The following MAGI1 variants were observed in gnomAD, a reference collection of about 807,000 sequenced individuals.
The protein encoded by MAGI1 is membrane associated guanylate kinase, WW and PDZ domain containing 1, also known as membrane-associated guanylate kinase, WW and PDZ domain-containing protein 1.
A neutral mutation model predicts 139.9 loss-of-function variants in MAGI1; 58 were observed. The ratio of observed to expected loss-of-function variants is 0.41; its 90% CI spans 0.34 to 0.52. MAGI1 has a LOEUF of 0.52. Ranked by LOEUF, MAGI1 falls within the 20% of genes least tolerant of loss-of-function variation. The pLI is 0.12. For missense variants in MAGI1, 1,874 were observed against 1,901.6 expected (o/e 0.99, Z 0.27); for synonymous variants, 812 against 737.9 (o/e 1.10, Z -1.63).
chr3:65,379,030 C>T (rs969228751), intron 17 of MAGI1, among the ~76,000 whole-genome samples: 1 of 152,136 alleles, frequency 6.6e-6, no homozygotes, highest in African/African-American at 2.4e-5. Context: ...GTTGTGTATG[C>T]GTGATCACAT....
chr3:65,708,253 T>C (rs192466517), intron 1 of MAGI1, among the ~76,000 whole-genome samples: 6 of 152,300 alleles, frequency 3.9e-5, no homozygotes, highest in African/African-American at 1.2e-4. Context: ...TGGAAATGAA[T>C]TGTTAAAAGA....
At chr3:65,389,060 G>T (rs1016592376) in intron 14 of MAGI1, among the ~76,000 whole-genome samples, 2 of 151,614 alleles carry the variant, frequency 1.3e-5, no homozygotes, top group African/African-American at 2.4e-5. Context: ...GGCCAGGCTG[G>T]TCTCCAACTC....
At chr3:65,552,703 G>C (rs1031001064) in intron 2 of MAGI1, among the ~76,000 whole-genome samples, 8 of 152,176 alleles carry the variant, frequency 5.3e-5, no homozygotes, top group African/African-American at 1.9e-4. Context: ...CTGATCCTAT[G>C]AATTACTTAC....
At chr3:65,930,932 C>G (rs375639364) in intron 1 of MAGI1, among the ~76,000 whole-genome samples, 3 of 152,278 alleles carry the variant, frequency 2.0e-5, no homozygotes, top group African/African-American at 7.2e-5. Flanking sequence ...AATAATCCAC[C>G]CCTTGTTTAG....
intron 14 of MAGI1, among the ~76,000 whole-genome samples, chr3:65,387,989 G>T (rs535544331): frequency 1.3e-5 from 2 of 152,198 alleles, no homozygotes; most frequent in East Asian, 1.9e-4. Context: ...AATGCTACTG[G>T]ATAGGATCTG....
In MAGI1 at chr3:65,356,554, G is replaced by A. The variant is rs1435154802; in HGVS notation, c.4213C>T (p.Arg1405Cys). Residue 1405 changes from arginine to cysteine, a missense_variant, in exon 23 of 23, where the codon CGC becomes TGC. Physicochemically the swap from Arg to Cys is radical, Grantham distance 180 (BLOSUM62 -3). Around this residue, in one of 5 missense-constraint regions of MAGI1, gnomAD observed 653 missense variants for 644.5 expected, o/e 1.01. Coordinates refer to ENST00000402939, the MANE Select transcript of MAGI1 (RefSeq NM_001033057.2). Reference sequence around the variant, plus strand: ...CGCTCTCTCCTGCGCTCGGGGGAGCGTGCGCGCCTCCGGTCGGTGGACTTG... The same window carrying A: ...CGCTCTCTCCTGCGCTCGGGGGAGCATGCGCGCCTCCGGTCGGTGGACTTG... ...RAKSTDRRRA[R>C]SPERRRERSL... 2.5e-6 allele frequency: 4 copies of A among 1,606,842 alleles called. No homozygotes were observed. Among genetic ancestry groups the A allele is most frequent in the African/African-American group, 1.3e-5 (1 of 74,512 alleles).
chr3:65,401,656 AG>A (rs1944907619), intron 12 of MAGI1, 186 bp from the exon 13 acceptor site: 2 of 1,546,370 alleles, frequency 1.3e-6, no homozygotes, highest in African/African-American at 1.4e-5. Context: ...AGGGAGGAGG[AG>A]AGCGAGAGGC....
At chr3:65,607,203 C>A (rs2082787402) in intron 2 of MAGI1, among the ~76,000 whole-genome samples, 1 of 151,184 alleles carries the variant, frequency 6.6e-6, no homozygotes, top group African/African-American at 2.4e-5. Flanking sequence ...AGATGGACAT[C>A]CAAGAATAGT....
At chr3:65,482,983 TGACA>T (rs2107630289) in intron 3 of MAGI1, among the ~76,000 whole-genome samples, 1 of 152,346 alleles carries the variant, frequency 6.6e-6, no homozygotes, top group Non-Finnish European at 1.5e-5. Flanking sequence ...GCCTGACCCT[TGACA>T]GACAAAGATC....
intron 1 of MAGI1, among the ~76,000 whole-genome samples, chr3:65,625,147 A>G (rs891680305): frequency 6.6e-6 from 1 of 152,216 alleles, no homozygotes. Flanking sequence ...TGCTGGGATT[A>G]CAGGTGTGAG....
chr3:65,962,424 G>C (rs927458947), intron 1 of MAGI1, among the ~76,000 whole-genome samples: 23 of 151,898 alleles, frequency 1.5e-4, no homozygotes, highest in Non-Finnish European at 3.2e-4. Context: ...CCCGGCCTCT[G>C]AATTGTATTT....
At chr3:66,037,923 T>C in intron 1 of MAGI1, 73 bp downstream of exon 1, 4 of 1,509,336 alleles carry the variant, frequency 2.7e-6, no homozygotes, top group African/African-American at 1.4e-5. Context: ...AAGCAGGAAA[T>C]CGAGAATAAG....
chr3:65,925,333 G>A (rs992356175), intron 1 of MAGI1: 9 of 150,402 alleles, frequency 6.0e-5, no homozygotes, highest in Non-Finnish European at 1.3e-4. Context: ...TTTTGTTTTT[G>A]TATTACTTAT....
At position 65,439,936 on chromosome 3, in the gene MAGI1, G is replaced by C; in HGVS notation, c.1213C>G (p.Gln405Glu). Residue 405 changes from glutamine to glutamate, a missense_variant, in exon 9 of 23, where the codon CAG becomes GAG. By Grantham distance (29) the Gln-to-Glu change is conservative (BLOSUM62 2). Coordinates refer to ENST00000402939, the MANE Select transcript of MAGI1 (RefSeq NM_001033057.2). ...KRKKQLEQQQ[Q>E]QQQQQQQQQQ... ...TGCTGTTGCTGCTGCTGTTGCTGCTGCTGCTGCTGCTCAAGCTGCTTCTTC... is the reference window on the plus strand; with the variant it reads ...TGCTGTTGCTGCTGCTGTTGCTGCTCCTGCTGCTGCTCAAGCTGCTTCTTC... 1 of 1,605,958 alleles carries C rather than the reference G, an allele frequency of 6.2e-7. No individual in the cohort carries two copies. Among genetic ancestry groups the C allele is most frequent in the Non-Finnish European group, 8.5e-7 (1 of 1,173,064 alleles).
At chr3:65,878,443 G>C (rs1208127872) in intron 1 of MAGI1, among the ~76,000 whole-genome samples, 1 of 149,316 alleles carries the variant, frequency 6.7e-6, no homozygotes, top group Non-Finnish European at 1.5e-5. Context: ...TTGAACCTGG[G>C]AAGCAGAGGT....
At chr3:65,999,139 C>T (rs1022423523) in intron 1 of MAGI1, among the ~76,000 whole-genome samples, 1 of 152,080 alleles carries the variant, frequency 6.6e-6, no homozygotes, top group Non-Finnish European at 1.5e-5. Flanking sequence ...TAAACATGTG[C>T]CATGGTGGTT....
intron 1 of MAGI1, among the ~76,000 whole-genome samples, chr3:66,008,596 T>C (rs2067155839): frequency 6.6e-6 from 1 of 152,214 alleles, no homozygotes; most frequent in South Asian, 2.1e-4. Context: ...CAAGTGGTCT[T>C]ATGAGAGCAT....
intron 1 of MAGI1, among the ~76,000 whole-genome samples, chr3:65,785,262 C>A (rs991303630): frequency 1.3e-5 from 2 of 152,096 alleles, no homozygotes; most frequent in African/African-American, 4.8e-5. Context: ...CACAAGAGGG[C>A]GCTTTCCTCA....
At chr3:65,585,988 A>C (rs1472544681) in intron 2 of MAGI1, among the ~76,000 whole-genome samples, 1 of 152,168 alleles carries the variant, frequency 6.6e-6, no homozygotes, top group African/African-American at 2.4e-5. Flanking sequence ...CAGGAGGATC[A>C]GCGGAGCCCA....
Sources: gnomAD v4.1 joint callset for allele counts (sites outside exome capture counted in the v4.1 genomes callset) on GRCh38, gnomAD v4.1.1 for gene constraint, gnomAD v4.1.1 regional missense constraint, MANE v1.5 for transcripts, NCBI Gene and HGNC (gene_info 2026-07-23, HGNC 2026-07-21) for gene names.